The following ASCC3 variants were observed in gnomAD, a reference collection of about 807,000 sequenced individuals.
ASCC3 encodes ASC-1 complex subunit P200.
A neutral mutation model predicts 256.3 loss-of-function variants in ASCC3; 158 were observed. The ratio of observed to expected loss-of-function variants is 0.62; its 90% CI spans 0.54 to 0.70. The LOEUF (loss-of-function observed/expected upper bound fraction) is 0.70, where lower values mean the gene tolerates loss of function less well. Among genes scored for constraint, ASCC3 ranks in the 30% least tolerant of loss-of-function variants. The pLI is 0.00. For synonymous variants in ASCC3, 948 were observed against 883.4 expected, an observed-to-expected ratio of 1.07 and a Z score of -1.30; for missense variants, 2,259 against 2,626.0, an observed-to-expected ratio of 0.86 and a Z score of 3.05.
At chr6:100,795,099 G>A (rs1378210195) in intron 8 of ASCC3, among the ~76,000 whole-genome samples, 1 of 152,006 alleles carries the variant, frequency 6.6e-6, no homozygotes, top group African/African-American at 2.4e-5. Flanking sequence ...TCACATCACA[G>A]GGAAAGGAAT....
chr6:100,539,739 C>T (rs562025795), intron 37 of ASCC3, among the ~76,000 whole-genome samples: 4 of 151,932 alleles, frequency 2.6e-5, no homozygotes, highest in South Asian at 2.1e-4. Flanking sequence ...CATTACCCTC[C>T]GTCTTTCTCT....
intron 40 of ASCC3, 65 bp downstream of exon 40, chr6:100,512,644 T>C (rs1167563876): frequency 6.8e-7 from 1 of 1,469,786 alleles, no homozygotes; most frequent in Non-Finnish European, 9.5e-7. Context: ...ACATAACAGA[T>C]ATGTGTGGTG....
At chr6:100,801,622 G>A (rs554992086) in intron 5 of ASCC3, among the ~76,000 whole-genome samples, 6 of 151,764 alleles carry the variant, frequency 4.0e-5, no homozygotes, top group South Asian at 2.1e-4. Flanking sequence ...AGGAAAATAC[G>A]TCTCAAAATT....
chr6:100,674,156 A>C (rs559705065), intron 14 of ASCC3, among the ~76,000 whole-genome samples: 1 of 151,986 alleles, frequency 6.6e-6, no homozygotes, highest in Non-Finnish European at 1.5e-5. Flanking sequence ...ATTATCAAAA[A>C]TTTTTTTAAA....
chr6:100,600,005 A>G (rs1772517526), intron 34 of ASCC3, among the ~76,000 whole-genome samples: 1 of 152,124 alleles, frequency 6.6e-6, no homozygotes, highest in Admixed American at 6.6e-5. Context: ...TACTTTCCAG[A>G]TGAAGAACGT....
intron 1 of ASCC3, among the ~76,000 whole-genome samples, chr6:100,870,862 C>T (rs903851030): frequency 6.6e-6 from 1 of 152,168 alleles, no homozygotes; most frequent in South Asian, 2.1e-4. Flanking sequence ...GTGGACAGCA[C>T]AGAGCAGAGA....
At position 100,871,906 on chromosome 6, in the gene ASCC3, A is replaced by G. The variant is rs9485420; in HGVS notation, c.-41-3868T>C. ...TACACAGTATGTTTGTACACAGTAC[A>G]CAGTATGTATGTACACTGTACATGT... On this transcript the variant is annotated intron_variant, in intron 1 of 41. Coordinates refer to ENST00000369162, the MANE Select transcript of ASCC3 (RefSeq NM_006828.4). Among the ~76,000 whole-genome samples the G allele has an allele frequency of 4.8e-3, 737 of 152,358 alleles. 9 individuals are homozygous for G. Among genetic ancestry groups the G allele is most frequent in the African/African-American group, 0.017 (713 of 41,590 alleles).
rs1773634289 is a variant in ASCC3, at chr6:100,509,181, C to G, written c.*205G>C. 1.6e-6 allele frequency: 1 copy of G among 618,194 alleles called. No homozygotes were observed. 38.3% of individuals were successfully genotyped at this position (618,194 alleles called of 1,614,324 possible). Reference sequence around the variant, plus strand: ...CATATCAAGAAACTCATAAAGATAACATTATAAAAGGCAACATTTGTTAAA... The same window carrying G: ...CATATCAAGAAACTCATAAAGATAAGATTATAAAAGGCAACATTTGTTAAA... On this transcript the variant is annotated 3_prime_UTR_variant, in exon 42 of 42. Coordinates refer to ENST00000369162, the MANE Select transcript of ASCC3 (RefSeq NM_006828.4).
At chr6:100,533,613 G>A (rs1193460176) in intron 37 of ASCC3, among the ~76,000 whole-genome samples, 1 of 152,098 alleles carries the variant, frequency 6.6e-6, no homozygotes, top group Non-Finnish European at 1.5e-5. Context: ...GAAACACACA[G>A]CCCTCTGCTT....
intron 37 of ASCC3, among the ~76,000 whole-genome samples, chr6:100,532,454 T>C: frequency 6.8e-6 from 1 of 147,258 alleles, no homozygotes. Context: ...GAGCTGCTTT[T>C]ATGCTGAAAA....
chr6:100,516,027 T>G (rs563700525), intron 39 of ASCC3, among the ~76,000 whole-genome samples, 153 bp downstream of exon 39: 1 of 152,314 alleles, frequency 6.6e-6, no homozygotes, highest in African/African-American at 2.4e-5. Context: ...TTGAGACATC[T>G]ATGTTTTCAT....
At chr6:100,795,396 G>A (rs1769560209) in intron 8 of ASCC3, among the ~76,000 whole-genome samples, 1 of 151,908 alleles carries the variant, frequency 6.6e-6, no homozygotes, top group African/African-American at 2.4e-5. Context: ...AAAAGGAAAT[G>A]GAGATAAAGA....
At chr6:100,637,107 G>A (rs1273791025) in intron 25 of ASCC3, among the ~76,000 whole-genome samples, 1 of 152,172 alleles carries the variant, frequency 6.6e-6, no homozygotes, top group Non-Finnish European at 1.5e-5. Flanking sequence ...GTAGAGAGGA[G>A]AAGTCAATGC....
At chr6:100,519,063 A>C (rs993715788) in intron 37 of ASCC3, among the ~76,000 whole-genome samples, 1 of 152,160 alleles carries the variant, frequency 6.6e-6, no homozygotes, top group Non-Finnish European at 1.5e-5. Flanking sequence ...GTGGACTTTT[A>C]GAAATAATTT....
intron 10 of ASCC3, among the ~76,000 whole-genome samples, chr6:100,734,051 GTAA>G (rs1353292847): frequency 6.6e-6 from 1 of 152,162 alleles, no homozygotes; most frequent in African/African-American, 2.4e-5. Flanking sequence ...ATGCAAATTA[GTAA>G]TCCCCAGAGA....
intron 36 of ASCC3, among the ~76,000 whole-genome samples, chr6:100,543,481 A>G (rs1375316683): frequency 1.3e-5 from 2 of 151,974 alleles, no homozygotes; most frequent in African/African-American, 4.8e-5. Context: ...TAATGTATAG[A>G]GAGACAAATA....
At chr6:100,663,569 T>C (rs1419497615) in intron 14 of ASCC3, among the ~76,000 whole-genome samples, 2 of 152,114 alleles carry the variant, frequency 1.3e-5, no homozygotes, top group African/African-American at 2.4e-5. Context: ...ACATTAGTGA[T>C]GCTGGCAACT....
At chr6:100,649,399 C>T (rs977254731) in intron 20 of ASCC3, among the ~76,000 whole-genome samples, 1 of 151,354 alleles carries the variant, frequency 6.6e-6, no homozygotes, top group Non-Finnish European at 1.5e-5. Flanking sequence ...TACAGAAAAA[C>T]AGATAAAACA....
intron 33 of ASCC3, among the ~76,000 whole-genome samples, chr6:100,602,149 T>C (rs997384857): frequency 6.6e-6 from 1 of 152,066 alleles, no homozygotes; most frequent in African/African-American, 2.4e-5. Context: ...ACTTTAACCA[T>C]GAGTCTATAA....
Sources: gnomAD v4.1 joint callset for allele counts (sites outside exome capture counted in the v4.1 genomes callset) on GRCh38, gnomAD v4.1.1 for gene constraint, MANE v1.5 for transcripts, NCBI Gene and HGNC (gene_info 2026-07-23, HGNC 2026-07-21) for gene names.